CCDC88C: variants seen among roughly 807,000 people sequenced by gnomAD.
CCDC88C encodes protein Daple.
A neutral mutation model predicts 198.8 loss-of-function variants in CCDC88C; 131 were observed. The ratio of observed to expected loss-of-function variants is 0.66; its 90% confidence interval spans 0.57 to 0.76. The LOEUF is 0.76. CCDC88C is among the 30% of genes least tolerant of loss of function. CCDC88C has a pLI of 0.00. For missense variants in CCDC88C, 2,553 were observed against 2,631.6 expected (o/e 0.97, Z 0.65); for synonymous variants, 1,166 against 1,114.7 (o/e 1.05, Z -0.92).
chr14:91,335,100 G>A (rs1892993335), intron 10 of CCDC88C, among the ~76,000 whole-genome samples: 1 of 152,050 alleles, frequency 6.6e-6, no homozygotes, highest in Non-Finnish European at 1.5e-5. Flanking sequence ...ACCTCCCAGG[G>A]GCCAGAACTG....
At chr14:91,416,482 T>G (rs868492306) in intron 2 of CCDC88C, among the ~76,000 whole-genome samples, 2 of 152,160 alleles carry the variant, frequency 1.3e-5, no homozygotes, top group Non-Finnish European at 2.9e-5. Context: ...AATTGCACTA[T>G]CTACACCACG....
At position 91,288,851 on chromosome 14, in the gene CCDC88C, T is replaced by C. The variant is rs184269209; in HGVS notation, c.4441+254A>G. 5,653 of 381,288 alleles carry C rather than the reference T, an allele frequency of 0.015. 74 individuals carry two copies. Among genetic ancestry groups the C allele is most frequent in the Middle Eastern group, 0.024 (34 of 1,394 alleles). 23.6% of individuals were successfully genotyped at this position (381,288 alleles called of 1,614,324 possible). A position where few individuals can be genotyped will look rare whatever the true frequency, so the allele number is the denominator to read the frequency against. On this transcript the variant is annotated intron_variant, in intron 25 of 29. Coordinates refer to ENST00000389857, the MANE Select transcript of CCDC88C (RefSeq NM_001080414.4). The surrounding 1 kb of genome is among the most constrained non-coding windows in gnomAD (Gnocchi z 4.2). ...CCTGGGAGGCAGCCAGGCTGCACTCTAGCCTGGGCAACAAGAGTGAAACTC... is the reference window on the plus strand; with the variant it reads ...CCTGGGAGGCAGCCAGGCTGCACTCCAGCCTGGGCAACAAGAGTGAAACTC...
chr14:91,334,653 A>AAAACCTGGATTTTCATAT (rs147365597), intron 10 of CCDC88C, among the ~76,000 whole-genome samples: 2,956 of 152,282 alleles, frequency 0.019, 53 homozygotes, highest in Non-Finnish European at 0.03. Context: ...CACACCCTGA[A>AAAACCTGGATTTTCATAT]AAACCTGGAT....
chr14:91,292,688 A>G (rs1890713947), intron 23 of CCDC88C, among the ~76,000 whole-genome samples: 2 of 151,968 alleles, frequency 1.3e-5, no homozygotes, highest in Admixed American at 1.3e-4. Context: ...ATGCCAGCAC[A>G]CCAATGCCTG....
chr14:91,332,346 C>T (rs11627496), intron 10 of CCDC88C, among the ~76,000 whole-genome samples: 36,501 of 152,148 alleles, frequency 0.24, 5,634 homozygotes, highest in East Asian at 0.4. Flanking sequence ...CCCGCCCGCA[C>T]GCTTCCTCCT....
At chr14:91,368,106 T>C (rs1894624166) in intron 3 of CCDC88C, among the ~76,000 whole-genome samples, 1 of 152,194 alleles carries the variant, frequency 6.6e-6, no homozygotes. Context: ...CCTCAAAATA[T>C]ATATTGAGTA....
At chr14:91,314,346 T>C (rs905223608) in intron 14 of CCDC88C, among the ~76,000 whole-genome samples, 196 bp from the exon 15 acceptor site, 1 of 152,192 alleles carries the variant, frequency 6.6e-6, no homozygotes, top group Admixed American at 6.5e-5. Context: ...ATGGTTCAAG[T>C]CAGAATACAC....
At position 91,277,904 on chromosome 14, in the gene CCDC88C, C is replaced by T. The variant is rs1035800024; in HGVS notation, c.5058+18G>A. The T allele has an allele frequency of 1.1e-5, 16 of 1,474,294 alleles. No individual in the cohort carries two copies. Among genetic ancestry groups the T allele is most frequent in the Admixed American group, 7.1e-5 (3 of 42,250 alleles). 91.3% of individuals were successfully genotyped at this position (1,474,294 alleles called of 1,614,324 possible). A position where few individuals can be genotyped will look rare whatever the true frequency, so the allele number is the denominator to read the frequency against. ...AGAGGGAAGAGAGACGGGCCAAGTCCGTGTCCGGATCACTCACATGGGTGG... is the reference window on the plus strand; with the variant it reads ...AGAGGGAAGAGAGACGGGCCAAGTCTGTGTCCGGATCACTCACATGGGTGG... On this transcript the variant is annotated intron_variant, in intron 29 of 29. Coordinates refer to ENST00000389857, the MANE Select transcript of CCDC88C (RefSeq NM_001080414.4).
chr14:91,414,657 G>A (rs1041706675), intron 2 of CCDC88C, among the ~76,000 whole-genome samples: 2 of 152,056 alleles, frequency 1.3e-5, no homozygotes, highest in East Asian at 1.9e-4. Flanking sequence ...ATGCCCACCC[G>A]CTCTCTCTTC....
intron 15 of CCDC88C, among the ~76,000 whole-genome samples, chr14:91,310,695 C>T (rs1269488794): frequency 6.6e-6 from 1 of 152,218 alleles, no homozygotes; most frequent in Non-Finnish European, 1.5e-5. Context: ...CAGGCGCGAG[C>T]CACTGCACCC....
chr14:91,417,040 A>G (rs1188919249), intron 1 of CCDC88C: 2 of 699,798 alleles, frequency 2.9e-6, no homozygotes, highest in Non-Finnish European at 5.2e-6. Flanking sequence ...CAGACACGAG[A>G]CAGGAGGAAA....
intron 20 of CCDC88C, 93 bp downstream of exon 20, chr14:91,303,608 C>T (rs2139780821): frequency 7.5e-7 from 1 of 1,327,764 alleles, no homozygotes; most frequent in Non-Finnish European, 1.0e-6. Flanking sequence ...CTAGGTCCCA[C>T]CCATCTACCC....
intron 4 of CCDC88C, among the ~76,000 whole-genome samples, chr14:91,355,471 A>G (rs1894003538): frequency 6.6e-6 from 1 of 152,148 alleles, no homozygotes; most frequent in African/African-American, 2.4e-5. Context: ...TACAGCAGTG[A>G]GGCACCAGAC....
At position 91,321,140 on chromosome 14, in the gene CCDC88C, TCTC is replaced by T. The variant is rs1310400897; in HGVS notation, c.1504_1506del (p.Glu502del). 2.5e-6 allele frequency: 4 copies of T among 1,611,116 alleles called. No individual in the cohort carries two copies. Among genetic ancestry groups the T allele is most frequent in the Middle Eastern group, 1.9e-4 (1 of 5,402 alleles). ...GGTACCTTCTTGCTGAGCTGGTGGTTCTCCTTCTCCAGCTCCCCGCACTTGAGG... is the reference window on the plus strand; with the variant it reads ...GGTACCTTCTTGCTGAGCTGGTGGTTCTTCTCCAGCTCCCCGCACTTGAGG... On this transcript the variant is annotated inframe_deletion, in exon 13 of 30. Transcript: ENST00000389857.
intron 10 of CCDC88C, among the ~76,000 whole-genome samples, chr14:91,328,195 T>C (rs557373058): frequency 1.8e-4 from 28 of 152,134 alleles, no homozygotes; most frequent in Admixed American, 1.6e-3. Flanking sequence ...TGGCCAGGAG[T>C]GGGAGATGGC....
At chr14:91,293,593 C>A (rs1890861730) in intron 23 of CCDC88C, among the ~76,000 whole-genome samples, 4 of 150,756 alleles carry the variant, frequency 2.7e-5, no homozygotes, top group Non-Finnish European at 4.4e-5. Context: ...CCCTCGCCTG[C>A]CATGGCCCAC....
At chr14:91,312,992 G>A (rs1891903472) in intron 15 of CCDC88C, 88 bp downstream of exon 15, 2 of 1,003,858 alleles carry the variant, frequency 2.0e-6, no homozygotes, top group South Asian at 1.7e-5. Flanking sequence ...AGGACACAGA[G>A]TCTTATTTCT....
In CCDC88C at chr14:91,273,981, G is replaced by T. The variant is rs1019069450; in HGVS notation, c.5059-328C>A. Among the ~76,000 whole-genome samples the T allele has an allele frequency of 6.6e-6, 1 of 152,094 alleles. No individual in the cohort carries two copies. The highest frequency in any genetic ancestry group is 1.5e-5 in the Non-Finnish European group (1 of 68,008). ...TTTCCCAGAAACCTCGACTATAGCC[G>T]ACTGCTTCGGTCTGTCTGGTTTCCA... is the stretch of plus-strand genomic sequence containing the variant. On this transcript the variant is annotated intron_variant, in intron 29 of 29. Transcript: ENST00000389857. This position sits in a 1 kb window ranked among gnomAD's most constrained non-coding sequence, Gnocchi z 5.6.
chr14:91,296,341 C>T (rs190068459), intron 22 of CCDC88C, among the ~76,000 whole-genome samples: 23 of 152,394 alleles, frequency 1.5e-4, no homozygotes, highest in Non-Finnish European at 2.1e-4. Flanking sequence ...AAGCCTACCA[C>T]ACATGTCCAG....
Sources: allele counts gnomAD v4.1 joint callset (sites outside exome capture counted in the v4.1 genomes callset), GRCh38; gene constraint gnomAD v4.1.1; non-coding constraint Gnocchi (gnomAD v3.1); transcripts MANE v1.5; gene names NCBI Gene and HGNC (gene_info 2026-07-23, HGNC 2026-07-21).